The following PRKAR1A variants were observed in gnomAD, a reference collection of about 807,000 sequenced individuals.
PRKAR1A encodes the protein protein kinase cAMP-dependent type I regulatory subunit alpha, also known as cAMP-dependent protein kinase type I-alpha regulatory subunit.
In PRKAR1A, 3 loss-of-function variants were observed where a neutral mutation model predicts 52.0. The ratio of observed to expected loss-of-function variants is 0.06; its 90% CI spans 0.03 to 0.15. The LOEUF (loss-of-function observed/expected upper bound fraction) is 0.15, where lower values mean the gene tolerates loss of function less well. Ranked by LOEUF, PRKAR1A falls within the 10% of genes least tolerant of loss-of-function variation. The pLI, the probability that PRKAR1A is intolerant of heterozygous loss-of-function variation, is 1.00. For missense variants in PRKAR1A, 240 were observed against 477.4 expected (o/e 0.50, Z 4.63); for synonymous variants, 188 against 168.4 (o/e 1.12, Z -0.90).
intron 11 of PRKAR1A, chr17:68,542,751 C>T (rs866347249): frequency 6.2e-7 from 1 of 1,614,172 alleles, no homozygotes; most frequent in East Asian, 2.2e-5. Flanking sequence ...TCTAGGATTT[C>T]CTTGGTGACA....
intron 5 of PRKAR1A, 106 bp downstream of exon 5, chr17:68,524,183 AC>A: frequency 8.8e-7 from 1 of 1,130,918 alleles, no homozygotes; most frequent in Non-Finnish European, 1.3e-6. Context: ...TGATCCTACC[AC>A]TTTTTTTTTT....
At chr17:68,522,657 A>C in intron 2 of PRKAR1A, 99 bp from the exon 3 acceptor site, 38 of 1,293,978 alleles carry the variant, frequency 2.9e-5, no homozygotes, top group Non-Finnish European at 4.1e-5. Flanking sequence ...TAATGGAAGA[A>C]GAGATTGGAA....
chr17:68,531,348 T>C lies in PRKAR1A; in HGVS notation c.*899T>C. ...GGTTAAAGTATGTCCTTCAGCTGAC[T>C]CCAGTATAATCTCCTCTGCTCATTA... On this transcript the variant is annotated 3_prime_UTR_variant, in exon 11 of 11. Coordinates refer to ENST00000589228, the MANE Select transcript of PRKAR1A (RefSeq NM_002734.5). The C allele has an allele frequency of 9.4e-7, 1 of 1,065,946 alleles. No homozygotes were observed. The highest frequency in any genetic ancestry group is 1.1e-6 in the Non-Finnish European group (1 of 879,554). The allele number at this position is 1,065,946 out of a possible 1,614,324, so 66.0% of individuals were successfully genotyped here.
chr17:68,548,725 A>T (rs72844608), intron 11 of PRKAR1A, among the ~76,000 whole-genome samples: 12,973 of 80,010 alleles, frequency 0.16, 1,698 homozygotes, highest in African/African-American at 0.23. Context: ...ATGCCTGTAT[A>T]TTTTTTTTTT....
chr17:68,420,906 T>C, the PRKAR1A span: 1 of 174,710 alleles, frequency 5.7e-6, no homozygotes, highest in Admixed American at 5.5e-5. Flanking sequence ...TCCATTCTAA[T>C]TAGTATTTAG....
At chr17:68,432,235 T>C in the PRKAR1A span, among the ~76,000 whole-genome samples, 1 of 152,116 alleles carries the variant, frequency 6.6e-6, no homozygotes, top group Non-Finnish European at 1.5e-5. Flanking sequence ...ACAAGGATTC[T>C]AGAGATGAGG....
rs773571331 is a variant in PRKAR1A at position 68,530,492 on chromosome 17, T to C, written c.*43T>C. The C allele has an allele frequency of 6.8e-6, 11 of 1,613,898 alleles. No individual in the cohort carries two copies. Among genetic ancestry groups the C allele is most frequent in the Admixed American group, 1.7e-5 (1 of 60,000 alleles). Reference sequence around the variant, plus strand: ...TCCCTTTTCTCCTCTCCCCAATCCATGCTTCACTCATGCAAACTGCTTTAT... The same window carrying C: ...TCCCTTTTCTCCTCTCCCCAATCCACGCTTCACTCATGCAAACTGCTTTAT... On this transcript the variant is annotated 3_prime_UTR_variant, in exon 11 of 11. Coordinates refer to ENST00000589228, the MANE Select transcript of PRKAR1A (RefSeq NM_002734.5).
chr17:68,484,456 A>G, the PRKAR1A span, among the ~76,000 whole-genome samples: 1 of 125,560 alleles, frequency 8.0e-6, no homozygotes, highest in Admixed American at 7.4e-5. Context: ...TTATCGTGGT[A>G]TCTTTTTTTT....
the PRKAR1A span, among the ~76,000 whole-genome samples, chr17:68,467,074 G>A: frequency 8.1e-4 from 123 of 152,314 alleles, no homozygotes; most frequent in South Asian, 2.3e-3. Flanking sequence ...GTTCATCCAC[G>A]TTGTAGCATG....
chr17:68,422,428 CA>C, the PRKAR1A span: 4,973 of 105,866 alleles, frequency 0.047, 195 homozygotes, highest in East Asian at 0.2. Context: ...GACTCCATCT[CA>C]AAAAAAAAAA....
chr17:68,543,814 C>T (rs367561323), intron 11 of PRKAR1A: 88 of 1,134,428 alleles, frequency 7.8e-5, no homozygotes, highest in African/African-American at 4.7e-4. Flanking sequence ...GAAAGGAAAA[C>T]GGGCTTTTAT....
At chr17:68,543,558 G>T in intron 11 of PRKAR1A, 1 of 1,343,290 alleles carries the variant, frequency 7.4e-7, no homozygotes, top group Non-Finnish European at 1.1e-6. Context: ...CACCTTGAGG[G>T]TCTGTCTAGC....
At chr17:68,421,452 A>G in the PRKAR1A span, 1 of 333,070 alleles carries the variant, frequency 3.0e-6, no homozygotes, top group African/African-American at 2.0e-5. Flanking sequence ...CATTTTTTAC[A>G]CGGCATATAT....
At chr17:68,450,871 C>T in the PRKAR1A span, 1 of 1,613,728 alleles carries the variant, frequency 6.2e-7, no homozygotes, top group South Asian at 1.1e-5. Flanking sequence ...AAGAGGCGCT[C>T]CACGATGTAG....
In PRKAR1A at chr17:68,527,842, A is replaced by G; in HGVS notation, c.711A>G (p.Gly237=). The change falls in exon 8 of 11, where the codon GGA becomes GGG. Residue 237 remains glycine, a splice_region_variant and synonymous_variant. Coordinates refer to ENST00000589228, the MANE Select transcript of PRKAR1A (RefSeq NM_002734.5). ...ACTTTTGTTATTTTTATTTTTAGGG[A>G]AGCACACTGAGAAAGCGGAAGATGT... ...DRDSYRRILM[G]STLRKRKMYE... 6.2e-7 allele frequency: 1 copy of G among 1,609,968 alleles called. No individual in the cohort carries two copies. The highest frequency in any genetic ancestry group is 8.5e-7 in the Non-Finnish European group (1 of 1,176,654).
chr17:68,471,064 T>C, the PRKAR1A span, among the ~76,000 whole-genome samples: 1 of 152,214 alleles, frequency 6.6e-6, no homozygotes, highest in Non-Finnish European at 1.5e-5. Context: ...CTTTTTTTCT[T>C]CTAGTGATGT....
chr17:68,524,998 G>A (rs925218820), intron 6 of PRKAR1A, 40 bp downstream of exon 6: 6 of 1,504,584 alleles, frequency 4.0e-6, no homozygotes, highest in Non-Finnish European at 9.3e-7. Context: ...GATCTTAAAA[G>A]CCAATGTATT....
chr17:68,545,127 A>G (rs1169383902), intron 11 of PRKAR1A, among the ~76,000 whole-genome samples: 2 of 152,226 alleles, frequency 1.3e-5, no homozygotes, highest in African/African-American at 4.8e-5. Flanking sequence ...CAAAGCGCAT[A>G]ATTTTTCAAG....
chr17:68,507,986 G>A (rs192104200), upstream of PRKAR1A, among the ~76,000 whole-genome samples: 50 of 152,014 alleles, frequency 3.3e-4, no homozygotes, highest in African/African-American at 1.1e-3. Flanking sequence ...TTGTACATGC[G>A]ATTATCATTT....
Sources: gnomAD v4.1 joint callset for allele counts (sites outside exome capture counted in the v4.1 genomes callset) on GRCh38, gnomAD v4.1.1 for gene constraint, MANE v1.5 for transcripts, NCBI Gene and HGNC (gene_info 2026-07-23, HGNC 2026-07-21) for gene names.